Variants in USP45 observed in about 807,000 individuals in gnomAD.
USP45 encodes the protein ubiquitin specific peptidase 45.
Under a neutral mutation model 95.8 loss-of-function variants are expected in USP45, and 89 were observed. The ratio of observed to expected loss-of-function variants is 0.93; its 90% CI spans 0.78 to 1.11. USP45 has a LOEUF of 1.11. Ranked by LOEUF, USP45 falls within the 50% of genes least tolerant of loss-of-function variation. The probability of loss-of-function intolerance (pLI) is 0.00; values close to 1 mark genes in which losing one functional copy is unlikely to be tolerated. For missense variants in USP45, 898 were observed against 942.5 expected (o/e 0.95, Z 0.62); for synonymous variants, 281 against 316.2 (o/e 0.89, Z 1.18).
At chr6:99,471,276 G>A (rs1438131806) in intron 9 of USP45, among the ~76,000 whole-genome samples, 1 of 152,136 alleles carries the variant, frequency 6.6e-6, no homozygotes, top group Non-Finnish European at 1.5e-5. Flanking sequence ...GAACAATTTA[G>A]GTTAAAAGAA....
chr6:99,460,686 C>G (rs1032280042), intron 13 of USP45: 52 of 664,778 alleles, frequency 7.8e-5, no homozygotes, highest in Non-Finnish European at 7.6e-5. Flanking sequence ...GGTGACTGGT[C>G]TGATTGGTAA....
At chr6:99,482,497 T>C in intron 8 of USP45, 1 of 368,930 alleles carries the variant, frequency 2.7e-6, no homozygotes. Context: ...CTCCATTTGA[T>C]TCTCAGCTTT....
chr6:99,479,600 AC>A (rs1458289203), intron 8 of USP45, among the ~76,000 whole-genome samples: 4 of 114,774 alleles, frequency 3.5e-5, no homozygotes, highest in East Asian at 2.5e-4. Flanking sequence ...ATTCCAACAG[AC>A]AAAAAAAAAA....
At chr6:99,504,286 T>C (rs1798027974) in intron 4 of USP45, among the ~76,000 whole-genome samples, 1 of 152,188 alleles carries the variant, frequency 6.6e-6, no homozygotes, top group African/African-American at 2.4e-5. Flanking sequence ...ATTACAGGCA[T>C]GCACCACTAC....
rs191315127 is a variant in USP45, at chr6:99,455,400, G to A, written c.1309-8937C>T. Among the ~76,000 whole-genome samples the A allele has an allele frequency of 7.9e-5, 12 of 152,262 alleles. No individual in the cohort carries two copies. The East Asian group carries it at 2.3e-3, about 29-fold the overall frequency. On this transcript the variant is annotated intron_variant, in intron 13 of 17. Coordinates refer to ENST00000500704, the MANE Select transcript of USP45 (RefSeq NM_001346022.3). ...CAGGAGGAAGAGGTTGCAGTGAGCT[G>A]AGACTGTGCCACAGCACTTCAGCCT...
intron 9 of USP45, among the ~76,000 whole-genome samples, 176 bp downstream of exon 9, chr6:99,475,967 G>A (rs1188493086): frequency 6.6e-6 from 1 of 152,134 alleles, no homozygotes; most frequent in Non-Finnish European, 1.5e-5. Context: ...TGGAATTACA[G>A]GTATGCACCA....
At chr6:99,446,493 G>A (rs1232248856) in intron 13 of USP45, 30 bp from the exon 14 acceptor site, 1 of 1,286,676 alleles carries the variant, frequency 7.8e-7, no homozygotes, top group Admixed American at 2.2e-5. Context: ...TCAAAGAAAA[G>A]AGTCTTGTAA....
At chr6:99,511,841 GTGTGTATATATATATATATA>G (rs1477604218) in intron 1 of USP45, among the ~76,000 whole-genome samples, 4,510 of 133,524 alleles carry the variant, frequency 0.034, 262 homozygotes, top group African/African-American at 0.1. Flanking sequence ...GTATGTGAGT[GTGTGTATATATATATATATA>G]TATATATATA....
At chr6:99,510,351 AGAGG>A (rs2128814872) in intron 1 of USP45, 121 bp from the exon 2 acceptor site, 1 of 628,236 alleles carries the variant, frequency 1.6e-6, no homozygotes, top group African/African-American at 1.8e-5. Context: ...GGAAATCAAC[AGAGG>A]AAGAAGAGGG....
At chr6:99,440,561 T>C (rs1237252014) in intron 15 of USP45, among the ~76,000 whole-genome samples, 1 of 152,188 alleles carries the variant, frequency 6.6e-6, no homozygotes, top group African/African-American at 2.4e-5. Flanking sequence ...CTGAAATGAA[T>C]GGGTAGACAA....
At chr6:99,441,368 C>A (rs1781492649) in intron 15 of USP45, among the ~76,000 whole-genome samples, 1 of 152,042 alleles carries the variant, frequency 6.6e-6, no homozygotes, top group South Asian at 2.1e-4. Context: ...CCTGTCTCTA[C>A]TAAAAATACA....
At chr6:99,459,499 C>T (rs1170415979) in intron 13 of USP45, among the ~76,000 whole-genome samples, 2 of 151,962 alleles carry the variant, frequency 1.3e-5, no homozygotes, top group African/African-American at 2.4e-5. Context: ...AGGTATATAC[C>T]CAGTAATGGA....
chr6:99,449,209 A>G (rs890202850), intron 13 of USP45, among the ~76,000 whole-genome samples: 2 of 152,210 alleles, frequency 1.3e-5, no homozygotes, highest in Non-Finnish European at 2.9e-5. Flanking sequence ...GCTCCAATTA[A>G]AAGATACAGA....
chr6:99,513,260 C>T (rs1800325174), intron 1 of USP45, among the ~76,000 whole-genome samples: 1 of 152,146 alleles, frequency 6.6e-6, no homozygotes, highest in Non-Finnish European at 1.5e-5. Context: ...CAGACTAGGT[C>T]CATTATTATT....
chr6:99,454,158 A>G (rs1784506686), intron 13 of USP45, among the ~76,000 whole-genome samples: 1 of 152,140 alleles, frequency 6.6e-6, no homozygotes, highest in Non-Finnish European at 1.5e-5. Context: ...AGAAATCCAC[A>G]TACTTACAGC....
At chr6:99,444,185 A>C (rs1782046554) in intron 14 of USP45, among the ~76,000 whole-genome samples, 2 of 151,932 alleles carry the variant, frequency 1.3e-5, no homozygotes, top group South Asian at 4.2e-4. Flanking sequence ...CTAATTTTTA[A>C]AACGTTTTTT....
chr6:99,464,940 C>A (rs910983851), intron 12 of USP45, 140 bp downstream of exon 12: 2 of 948,002 alleles, frequency 2.1e-6, no homozygotes, highest in African/African-American at 1.7e-5. Context: ...ACCCCCAAAT[C>A]AGACTCAATT....
rs1233380050 is a variant in USP45 at position 99,433,561 on chromosome 6, AATTT to A, written c.*2151_*2154del. On this transcript the variant is annotated 3_prime_UTR_variant, in exon 18 of 18. Coordinates refer to ENST00000500704, the MANE Select transcript of USP45 (RefSeq NM_001346022.3). ...GGAAATTCTTAAGTATCAAAAATCCAATTTATTCCATTTTCAGAAGACAAGGAAA... is the reference window on the plus strand; with the variant it reads ...GGAAATTCTTAAGTATCAAAAATCCAATTCCATTTTCAGAAGACAAGGAAA... 2 of 152,402 alleles carry A rather than the reference AATTT, an allele frequency of 1.3e-5. No individual in the cohort carries two copies. Among genetic ancestry groups the A allele is most frequent in the African/African-American group, 4.8e-5 (2 of 41,460 alleles). 9.4% of individuals were successfully genotyped at this position (152,402 alleles called of 1,614,324 possible).
intron 5 of USP45, chr6:99,502,154 GGTTACCAATACTCTT>G: frequency 2.1e-6 from 2 of 937,120 alleles, no homozygotes; most frequent in Non-Finnish European, 2.7e-6. Flanking sequence ...GAGCTTCCTT[GGTTACCAATACTCTT>G]GTGTATATTA....
Sources: gnomAD v4.1 joint callset for allele counts (sites outside exome capture counted in the v4.1 genomes callset) on GRCh38, gnomAD v4.1.1 for gene constraint, MANE v1.5 for transcripts, NCBI Gene and HGNC (gene_info 2026-07-23, HGNC 2026-07-21) for gene names.